The following DNASE2 variants were observed in gnomAD, a reference collection of about 807,000 sequenced individuals.
DNASE2 encodes the protein deoxyribonuclease-2-alpha.
DNASE2 carries 26 observed loss-of-function variants against 29.8 expected under a neutral mutation model. The ratio of observed to expected loss-of-function variants is 0.87; its 90% CI spans 0.64 to 1.21. The LOEUF (loss-of-function observed/expected upper bound fraction) is 1.21. DNASE2 is among the 50% of genes most tolerant of loss of function. The pLI is 0.00. For synonymous variants in DNASE2, 186 were observed against 193.5 expected, an observed-to-expected ratio of 0.96 and a Z score of 0.32; for missense variants, 415 against 455.6, an observed-to-expected ratio of 0.91 and a Z score of 0.81.
In DNASE2 at chr19:12,877,407, T is replaced by G. The variant is rs1207424277; in HGVS notation, c.709+975A>C. Among the ~76,000 whole-genome samples the G allele has an allele frequency of 2.0e-5, 3 of 151,916 alleles. No individual in the cohort carries two copies. The East Asian group carries it at 5.8e-4, about 29-fold the overall frequency. Reference sequence around the variant, plus strand: ...CGTGTGTGCCACTATGCCCCACTAATTAAAATTTTTTTTGTAGAGATGGGG... The same window carrying G: ...CGTGTGTGCCACTATGCCCCACTAAGTAAAATTTTTTTTGTAGAGATGGGG... On this transcript the variant is annotated intron_variant, in intron 5 of 5. Transcript: ENST00000222219.
chr19:12,880,836 C>T lies in DNASE2; in HGVS notation c.312G>A (p.Lys104=). ...LYNDQPPQPS[K]AQDSSMRGHT... ...GCCCACGCATGGAAGAGTCCTGAGCCTTGCTGGGTTGAGGCGGTTGGTCAT... is the reference window on the plus strand; with the variant it reads ...GCCCACGCATGGAAGAGTCCTGAGCTTTGCTGGGTTGAGGCGGTTGGTCAT... The change falls in exon 3 of 6, where the codon AAG becomes AAA. Residue 104 remains lysine (K), a synonymous_variant. Coordinates refer to ENST00000222219, the MANE Select transcript of DNASE2 (RefSeq NM_001375.3). 4 of 1,614,216 alleles carry T rather than the reference C, an allele frequency of 2.5e-6. No individual in the cohort carries two copies. Among genetic ancestry groups the T allele is most frequent in the Non-Finnish European group, 3.4e-6 (4 of 1,180,050 alleles).
chr19:12,877,829 C>A (rs1199311934), intron 5 of DNASE2, among the ~76,000 whole-genome samples: 1 of 150,472 alleles, frequency 6.6e-6, no homozygotes, highest in Non-Finnish European at 1.5e-5. Flanking sequence ...CAGGCATGAG[C>A]CACTGTGCCC....
Position 12,878,369 on chromosome 19 carries a change from C to A in DNASE2, c.709+13G>T. The A allele has an allele frequency of 6.2e-7, 1 of 1,612,344 alleles. No homozygotes were observed. The highest frequency in any genetic ancestry group is 8.5e-7 in the Non-Finnish European group (1 of 1,180,026). Reference sequence around the variant, plus strand: ...AGAGAAGGAGCTCTCCAACCCTCAACCTTGAGACTCACCATCTCCAAATTT... The same window carrying A: ...AGAGAAGGAGCTCTCCAACCCTCAAACTTGAGACTCACCATCTCCAAATTT... On this transcript the variant is annotated intron_variant, in intron 5 of 5. Coordinates refer to ENST00000222219, the MANE Select transcript of DNASE2 (RefSeq NM_001375.3).
chr19:12,877,029 G>T (rs1355453066), intron 5 of DNASE2, among the ~76,000 whole-genome samples: 1 of 151,716 alleles, frequency 6.6e-6, no homozygotes, highest in Non-Finnish European at 1.5e-5. Flanking sequence ...CACCATGTTG[G>T]CCAGGCTGTT....
At chr19:12,876,461 T>G in intron 5 of DNASE2, 98 bp from the exon 6 acceptor site, 1 of 592,228 alleles carries the variant, frequency 1.7e-6, no homozygotes, top group Non-Finnish European at 2.3e-6. Context: ...CATATTTCCT[T>G]TTTTTTTTTT....
rs749911697 is a variant in DNASE2, at chr19:12,878,444, G to A, written c.647C>T (p.Thr216Ile). ...AACAGCCCCGGCCTGGGATGTGAGT[G>A]TGATGCTGCTGTTCCAGGGTTCTTG... is the stretch of plus-strand genomic sequence containing the variant. ...VSQEPWNSSI[T>I]LTSQAGAVFQ... The change falls in exon 5 of 6, where the codon ACA (threonine) becomes ATA (isoleucine). Residue 216 changes from threonine to isoleucine, a missense_variant. Coordinates refer to ENST00000222219, the MANE Select transcript of DNASE2 (RefSeq NM_001375.3). 2.5e-6 allele frequency: 4 copies of A among 1,613,672 alleles called. No homozygotes were observed. Among genetic ancestry groups the A allele is most frequent in the Non-Finnish European group, 3.4e-6 (4 of 1,180,058 alleles).
Position 12,880,293 on chromosome 19 carries a change from G to T in DNASE2, c.346+509C>A, listed in dbSNP as rs185950492. Among the ~76,000 whole-genome samples, 30 of 151,736 alleles carry T rather than the reference G, an allele frequency of 2.0e-4. No individual in the cohort carries two copies. The East Asian group carries it at 3.5e-3, about 18-fold the overall frequency. On this transcript the variant is annotated intron_variant, in intron 3 of 5. Coordinates refer to ENST00000222219, the MANE Select transcript of DNASE2 (RefSeq NM_001375.3). The stretch of plus-strand genomic sequence containing the variant: ...AGAAAATAAAATAGGGGAAATAGAT[G>T]CCCAAGGTCTGACAGGGGAGATCTC...
chr19:12,876,459 C>CTTTT (rs56207722), intron 5 of DNASE2, 96 bp from the exon 6 acceptor site: 74 of 1,266,932 alleles, frequency 5.8e-5, no homozygotes, highest in African/African-American at 1.1e-4. Context: ...TCCATATTTC[C>CTTTT]TTTTTTTTTT....
In DNASE2 at chr19:12,881,315, C is replaced by A; in HGVS notation, c.61G>T (p.Gly21Trp). The A allele has an allele frequency of 2.5e-6, 4 of 1,571,370 alleles. No individual in the cohort carries two copies. The highest frequency in any genetic ancestry group is 2.4e-5 in the East Asian group (1 of 42,006). Residue 21 changes from glycine to tryptophan, a missense_variant, in exon 1 of 6, where the codon GGG becomes TGG. By Grantham distance (184) the Gly-to-Trp change is radical. Transcript: ENST00000222219. Reference protein sequence around the residue: ...CVPAGALTCYGDSGQPVDWFV... With the variant: ...CVPAGALTCYWDSGQPVDWFV... ...CAGTCTACAGGCTGCCCGGAGTCCC[C>A]GTAGCAGGTCAGGGCCCCGGCGGGG...
intron 5 of DNASE2, among the ~76,000 whole-genome samples, chr19:12,876,823 C>T (rs1205334344): frequency 6.6e-6 from 1 of 151,004 alleles, no homozygotes; most frequent in African/African-American, 2.4e-5. Flanking sequence ...ATTAATTGCC[C>T]TTCCCAAATT....
intron 5 of DNASE2, 74 bp from the exon 6 acceptor site, chr19:12,876,437 C>T: frequency 3.9e-6 from 6 of 1,535,920 alleles, no homozygotes; most frequent in Non-Finnish European, 5.2e-6. Context: ...CTTCCCCTCT[C>T]TCAGCTCAGT....
In DNASE2 at chr19:12,881,330, C is replaced by T. The variant is rs1228459615; in HGVS notation, c.46G>A (p.Ala16Thr). The T allele has an allele frequency of 1.3e-6, 2 of 1,569,262 alleles. No homozygotes were observed. The highest frequency in any genetic ancestry group is 1.7e-6 in the Non-Finnish European group (2 of 1,158,222). The part of the protein sequence containing the change: ...LAALLCVPAG[A>T]LTCYGDSGQP... ...CCGGAGTCCCCGTAGCAGGTCAGGG[C>T]CCCGGCGGGGACGCACAGCAGCGCT... The change falls in exon 1 of 6, where the codon GCC becomes ACC. Residue 16 changes from alanine (A) to threonine (T), a missense_variant. Ala to Thr is a moderately conservative substitution (Grantham distance 58, BLOSUM62 0). Coordinates refer to ENST00000222219, the MANE Select transcript of DNASE2 (RefSeq NM_001375.3).
In DNASE2 at chr19:12,875,870, A is replaced by ATGTG. The variant is rs1256362006; in HGVS notation, c.*116_*119dup. 2 of 1,311,818 alleles carry ATGTG rather than the reference A, an allele frequency of 1.5e-6. No homozygotes were observed. The highest frequency in any genetic ancestry group is 2.1e-6 in the Non-Finnish European group (2 of 949,494). The allele number at this position is 1,311,818 out of a possible 1,614,324, so 81.3% of individuals were successfully genotyped here. On this transcript the variant is annotated 3_prime_UTR_variant, in exon 6 of 6. Coordinates refer to ENST00000222219, the MANE Select transcript of DNASE2 (RefSeq NM_001375.3). Reference sequence around the variant, plus strand: ...TAACTTTTTTTAAGTTCTAGTAGAGATGTGGTCTCACTATGTAGCCCAGGC... The same window carrying ATGTG: ...TAACTTTTTTTAAGTTCTAGTAGAGATGTGTGTGGTCTCACTATGTAGCCCAGGC...
intron 4 of DNASE2, 37 bp from the exon 5 acceptor site, chr19:12,878,616 C>G (rs1208532240): frequency 1.2e-6 from 2 of 1,613,760 alleles, no homozygotes; most frequent in Admixed American, 1.7e-5. Context: ...CAAGATCGTT[C>G]CAGGTTCTGG....
chr19:12,875,261 G>A lies in DNASE2; in HGVS notation c.*729C>T, dbSNP rs1297513716. On this transcript the variant is annotated 3_prime_UTR_variant, in exon 6 of 6. Transcript: ENST00000222219. Reference sequence around the variant, plus strand: ...CAACAATCCTGATGGCAGGTATTATGTTTCCCATTTTGCAGACAGGTAGAC... The same window carrying A: ...CAACAATCCTGATGGCAGGTATTATATTTCCCATTTTGCAGACAGGTAGAC... 1.1e-5 allele frequency: 3 copies of A among 268,200 alleles called. No individual in the cohort carries two copies. Among genetic ancestry groups the A allele is most frequent in the Non-Finnish European group, 2.2e-5 (3 of 135,678 alleles). 16.6% of individuals were successfully genotyped at this position (268,200 alleles called of 1,614,324 possible).
In DNASE2 at chr19:12,875,310, C is replaced by T; in HGVS notation, c.*680G>A. The T allele has an allele frequency of 5.1e-6, 1 of 195,800 alleles. No homozygotes were observed. The highest frequency in any genetic ancestry group is 1.1e-5 in the Non-Finnish European group (1 of 94,034). The allele number at this position is 195,800 out of a possible 1,614,324, so 12.1% of individuals were successfully genotyped here. On this transcript the variant is annotated 3_prime_UTR_variant, in exon 6 of 6. Transcript: ENST00000222219. ...ACTGTGTCACAGAGCGGTTAAGGCACACAATCAAGGTCATACAGCTAGGAA... is the reference window on the plus strand; with the variant it reads ...ACTGTGTCACAGAGCGGTTAAGGCATACAATCAAGGTCATACAGCTAGGAA...
rs2145919108 is a variant in DNASE2, at chr19:12,875,693, C to CCT, written c.*296_*297insAG. 3.3e-6 allele frequency: 1 copy of CCT among 301,298 alleles called. No homozygotes were observed. Among genetic ancestry groups the CCT allele is most frequent in the Non-Finnish European group, 6.5e-6 (1 of 154,998 alleles). 18.7% of individuals were successfully genotyped at this position (301,298 alleles called of 1,614,324 possible). ...ACAGATGTGAGCCACTGCACCCACC[C>CCT]GTCCCCCGCCCCCCCTTTTTTTTTG... On this transcript the variant is annotated 3_prime_UTR_variant, in exon 6 of 6. Transcript: ENST00000222219.
At chr19:12,878,032 C>G in intron 5 of DNASE2, 1 of 359,542 alleles carries the variant, frequency 2.8e-6, no homozygotes, top group Non-Finnish European at 5.4e-6. Context: ...CCAGGCTTGT[C>G]TTGGATGCCT....
In DNASE2 at chr19:12,876,276, T is replaced by C; in HGVS notation, c.797A>G (p.Asn266Ser). ...WHKTVGILPSNCSDIWQVLNV... is the reference protein window; with the variant it reads ...WHKTVGILPSSCSDIWQVLNV... Reference sequence around the variant, plus strand: ...CAGAACCTGCCAGATATCCGAGCAGTTAGAGGGCAGGATGCCTACAGTTTT... The same window carrying C: ...CAGAACCTGCCAGATATCCGAGCAGCTAGAGGGCAGGATGCCTACAGTTTT... The change falls in exon 6 of 6, where the codon AAC becomes AGC. Residue 266 changes from asparagine (N) to serine (S), a missense_variant. Asn to Ser is a conservative substitution (Grantham distance 46). Coordinates refer to ENST00000222219, the MANE Select transcript of DNASE2 (RefSeq NM_001375.3). 1 of 1,613,994 alleles carries C rather than the reference T, an allele frequency of 6.2e-7. No individual in the cohort carries two copies. The highest frequency in any genetic ancestry group is 8.5e-7 in the Non-Finnish European group (1 of 1,179,990).
Sources: allele counts gnomAD v4.1 joint callset (sites outside exome capture counted in the v4.1 genomes callset), GRCh38; gene constraint gnomAD v4.1.1; transcripts MANE v1.5; gene names NCBI Gene and HGNC (gene_info 2026-07-23, HGNC 2026-07-21).